The following CORO2B variants were observed in gnomAD, a reference collection of about 807,000 sequenced individuals.
The protein encoded by CORO2B is coronin-2B.
A neutral mutation model predicts 58.8 loss-of-function variants in CORO2B; 26 were observed. The ratio of observed to expected loss-of-function variants is 0.44; its 90% CI spans 0.32 to 0.61. The LOEUF is 0.61. Among genes scored for constraint, CORO2B ranks in the 20% least tolerant of loss-of-function variants. CORO2B has a pLI of 0.04. For missense variants in CORO2B, 460 were observed against 645.1 expected, an observed-to-expected ratio of 0.71 and a Z score of 3.11; for synonymous variants, 242 against 253.8, an observed-to-expected ratio of 0.95 and a Z score of 0.44.
the CORO2B span, among the ~76,000 whole-genome samples, chr15:68,532,060 G>A: frequency 6.6e-6 from 1 of 151,794 alleles, no homozygotes; most frequent in Non-Finnish European, 1.5e-5. Flanking sequence ...CTGACATAGT[G>A]TCTTTTTCTC....
chr15:68,628,028 A>G (rs1360329304), intron 1 of CORO2B, among the ~76,000 whole-genome samples: 4 of 151,968 alleles, frequency 2.6e-5, no homozygotes, highest in Non-Finnish European at 5.9e-5. Flanking sequence ...CAACCCCACC[A>G]CCACCCAAAC....
intron 2 of CORO2B, among the ~76,000 whole-genome samples, chr15:68,652,464 G>GATCCAGGCCACAGGAAGA (rs1901672942): frequency 3.9e-5 from 6 of 152,298 alleles, no homozygotes; most frequent in African/African-American, 1.4e-4. Flanking sequence ...GCCACCTCCA[G>GATCCAGGCCACAGGAAGA]ATCCAGGCCA....
intron 2 of CORO2B, among the ~76,000 whole-genome samples, chr15:68,678,682 A>G (rs1156535254): frequency 6.6e-6 from 1 of 152,184 alleles, no homozygotes; most frequent in Non-Finnish European, 1.5e-5. Context: ...TCAAAAAAGA[A>G]AAAAGAAAAC....
At chr15:68,578,502 C>G (rs1317290388), upstream of CORO2B, among the ~76,000 whole-genome samples, 3 of 152,240 alleles carry the variant, frequency 2.0e-5, no homozygotes, top group Non-Finnish European at 1.5e-5. The surrounding 1 kb of genome is among the most constrained non-coding windows in gnomAD (Gnocchi z 4.2). Context: ...TGCCCCGGGC[C>G]AGCGCGAGGT....
intron 3 of CORO2B, among the ~76,000 whole-genome samples, chr15:68,706,864 A>G (rs1051309892): frequency 6.6e-6 from 1 of 152,014 alleles, no homozygotes; most frequent in African/African-American, 2.4e-5. Flanking sequence ...GGAGCATGCC[A>G]CCACATCCAG....
intron 2 of CORO2B, among the ~76,000 whole-genome samples, chr15:68,675,728 C>T (rs1446059295): frequency 6.6e-6 from 1 of 152,246 alleles, no homozygotes; most frequent in East Asian, 1.9e-4. Context: ...AAAACATTAA[C>T]ACATTGTAGG....
intron 1 of CORO2B, among the ~76,000 whole-genome samples, chr15:68,602,449 ACG>A (rs1555410742): frequency 1.3e-5 from 2 of 149,708 alleles, no homozygotes; most frequent in African/African-American, 5.0e-5. Context: ...ACACACACAC[ACG>A]TTTTACCTAC....
intron 2 of CORO2B, among the ~76,000 whole-genome samples, chr15:68,658,624 G>A (rs1329760787): frequency 6.6e-6 from 1 of 152,204 alleles, no homozygotes; most frequent in East Asian, 1.9e-4. Context: ...GCTGCTTAAT[G>A]GCTCTGTGAC....
chr15:68,585,019 TGCCCCCGCAGAG>T (rs1899516222), intron 1 of CORO2B, among the ~76,000 whole-genome samples: 1 of 152,240 alleles, frequency 6.6e-6, no homozygotes, highest in African/African-American at 2.4e-5. Flanking sequence ...CCCTCCTTTT[TGCCCCCGCAGAG>T]GCCCCTGGAG....
At chr15:68,549,092 G>A in the CORO2B span, among the ~76,000 whole-genome samples, 23 of 151,638 alleles carry the variant, frequency 1.5e-4, no homozygotes, top group Admixed American at 3.3e-4. Context: ...TTCTTATTAC[G>A]TGAGCAATAC....
the CORO2B span, among the ~76,000 whole-genome samples, chr15:68,537,216 A>G: frequency 6.6e-6 from 1 of 152,214 alleles, no homozygotes; most frequent in Admixed American, 6.5e-5. Context: ...TCAATTTAGC[A>G]TCACTGCCAC....
At chr15:68,519,734 T>C in the CORO2B span, among the ~76,000 whole-genome samples, 2 of 152,240 alleles carry the variant, frequency 1.3e-5, no homozygotes, top group Non-Finnish European at 2.9e-5. Context: ...TGCCATTCTT[T>C]TTCTAATGTC....
intron 1 of CORO2B, among the ~76,000 whole-genome samples, chr15:68,635,283 AT>A (rs1900996233): frequency 6.6e-6 from 1 of 152,170 alleles, no homozygotes; most frequent in African/African-American, 2.4e-5. Flanking sequence ...GTTCCTCAAA[AT>A]AGGTCAGGAG....
intron 1 of CORO2B, among the ~76,000 whole-genome samples, chr15:68,636,700 C>T (rs1403548254): frequency 7.2e-5 from 11 of 152,232 alleles, no homozygotes; most frequent in African/African-American, 2.7e-4. Context: ...CAGATCATGG[C>T]CTTCCTAAGT....
At chr15:68,684,171 G>T (rs1416596573) in intron 2 of CORO2B, among the ~76,000 whole-genome samples, 1 of 152,158 alleles carries the variant, frequency 6.6e-6, no homozygotes, top group Non-Finnish European at 1.5e-5. Flanking sequence ...TAAAGCCTTT[G>T]ACTCAAAATA....
chr15:68,727,580 T>G lies in CORO2B; in HGVS notation c.*1606T>G, dbSNP rs1038064575. 6.6e-6 allele frequency: 1 copy of G among 152,576 alleles called. No homozygotes were observed. Among genetic ancestry groups the G allele is most frequent in the East Asian group, 1.9e-4 (1 of 5,174 alleles). 9.5% of individuals were successfully genotyped at this position (152,576 alleles called of 1,614,324 possible). A position where few individuals can be genotyped will look rare whatever the true frequency, so the allele number is the denominator to read the frequency against. ...CAGAGGCCAGGGCTACCCAAGCCCC[T>G]CCAGGTGAGCTGGGCCTTTCCTTTA... On this transcript the variant is annotated 3_prime_UTR_variant, in exon 12 of 12. Transcript: ENST00000261861.
intron 2 of CORO2B, among the ~76,000 whole-genome samples, chr15:68,649,864 A>G (rs140530313): frequency 6.6e-6 from 1 of 152,270 alleles, no homozygotes; most frequent in East Asian, 1.9e-4. Flanking sequence ...AGCCTTTGGA[A>G]AACCCCACTA....
the CORO2B span, among the ~76,000 whole-genome samples, chr15:68,572,676 C>T: frequency 6.6e-6 from 1 of 152,108 alleles, no homozygotes; most frequent in Non-Finnish European, 1.5e-5. Context: ...TTCAAAAAAG[C>T]TCCCAGGTGA....
chr15:68,544,790 T>G, the CORO2B span, among the ~76,000 whole-genome samples: 1 of 151,258 alleles, frequency 6.6e-6, no homozygotes, highest in African/African-American at 2.4e-5. Context: ...TTTTTTTTTT[T>G]TTTTGAGATG....
Sources: allele counts gnomAD v4.1 joint callset (sites outside exome capture counted in the v4.1 genomes callset), GRCh38; gene constraint gnomAD v4.1.1; non-coding constraint Gnocchi (gnomAD v3.1); transcripts MANE v1.5; gene names NCBI Gene and HGNC (gene_info 2026-07-23, HGNC 2026-07-21).